The following LYRM4 variants were observed in gnomAD, a reference collection of about 807,000 sequenced individuals.
The protein encoded by LYRM4 is LYR motif-containing protein 4.
LYRM4 carries 9 observed loss-of-function variants against 11.7 expected under a neutral mutation model. The ratio of observed to expected loss-of-function variants is 0.77; its 90% CI spans 0.46 to 1.34. The LOEUF is 1.34. LYRM4 is among the 40% of genes most tolerant of loss of function. LYRM4 has a pLI of 0.00. For synonymous variants in LYRM4, 42 were observed against 40.4 expected (o/e 1.04, Z -0.15); for missense variants, 133 against 112.5 (o/e 1.18, Z -0.82).
chr6:5,095,003 C>T, the LYRM4 span, among the ~76,000 whole-genome samples: 1 of 151,988 alleles, frequency 6.6e-6, no homozygotes. Flanking sequence ...TTTTCAACAC[C>T]AAGATAATCG....
At chr6:5,114,224 A>C (rs1360579013) in intron 2 of LYRM4, among the ~76,000 whole-genome samples, 1 of 152,338 alleles carries the variant, frequency 6.6e-6, no homozygotes, top group East Asian at 1.9e-4. Context: ...CTGTAAGATA[A>C]GTTTGATATG....
chr6:5,233,193 G>A (rs1763341794), intron 1 of LYRM4, among the ~76,000 whole-genome samples: 1 of 152,048 alleles, frequency 6.6e-6, no homozygotes, highest in Non-Finnish European at 1.5e-5. Context: ...TCAATGGCAG[G>A]CAAAAAAAAT....
chr6:5,147,259 A>T (rs1260799051), intron 2 of LYRM4, among the ~76,000 whole-genome samples: 1 of 152,144 alleles, frequency 6.6e-6, no homozygotes. Flanking sequence ...TAACAAAACA[A>T]GGGTGTGCTG....
At chr6:5,166,809 T>G (rs551750428) in intron 2 of LYRM4, among the ~76,000 whole-genome samples, 3 of 152,204 alleles carry the variant, frequency 2.0e-5, no homozygotes, top group Non-Finnish European at 1.5e-5. Flanking sequence ...TGAATGAAAG[T>G]TGAATTATTC....
At chr6:5,146,744 T>C (rs1757750580) in intron 2 of LYRM4, among the ~76,000 whole-genome samples, 1 of 152,206 alleles carries the variant, frequency 6.6e-6, no homozygotes, top group East Asian at 1.9e-4. Flanking sequence ...TTCCTGGGCC[T>C]TCTGCAAAAG....
At chr6:5,158,481 T>G (rs1266566582) in intron 2 of LYRM4, among the ~76,000 whole-genome samples, 10 of 151,734 alleles carry the variant, frequency 6.6e-5, no homozygotes, top group South Asian at 4.2e-4. Context: ...ACGTTTTTTT[T>G]TTTTTTTTTT....
At chr6:5,214,950 G>C (rs1762189353) in intron 2 of LYRM4, among the ~76,000 whole-genome samples, 1 of 152,334 alleles carries the variant, frequency 6.6e-6, no homozygotes, top group Admixed American at 6.5e-5. Context: ...GCCCTGGGGA[G>C]GGCGCCCTTG....
intron 1 of LYRM4, among the ~76,000 whole-genome samples, chr6:5,252,479 C>G (rs143830676): frequency 6.6e-6 from 1 of 152,186 alleles, no homozygotes; most frequent in Non-Finnish European, 1.5e-5. Flanking sequence ...TTCTGACACA[C>G]GCCTTGCATT....
the LYRM4 span, among the ~76,000 whole-genome samples, chr6:5,070,961 G>A: frequency 6.6e-6 from 1 of 151,898 alleles, no homozygotes; most frequent in Non-Finnish European, 1.5e-5. Flanking sequence ...AGAGGCTGAG[G>A]TGGACGGATC....
chr6:5,038,487 G>A, the LYRM4 span, among the ~76,000 whole-genome samples: 2 of 66,962 alleles, frequency 3.0e-5, 1 homozygote, highest in African/African-American at 7.8e-5. Flanking sequence ...ACGGGGTGGC[G>A]GCTGGGCAGA....
the LYRM4 span, chr6:5,088,483 A>C: frequency 3.3e-5 from 5 of 152,228 alleles, no homozygotes; most frequent in African/African-American, 1.2e-4. Context: ...TTCAGTGTTC[A>C]CAAATCAGGT....
At chr6:5,070,818 C>T in the LYRM4 span, among the ~76,000 whole-genome samples, 1 of 145,364 alleles carries the variant, frequency 6.9e-6, no homozygotes, top group African/African-American at 2.6e-5. Context: ...CTGCAGTGAG[C>T]CATGATTGTA....
intron 2 of LYRM4, among the ~76,000 whole-genome samples, chr6:5,175,083 G>A (rs1759643342): frequency 6.6e-6 from 1 of 152,190 alleles, no homozygotes; most frequent in Non-Finnish European, 1.5e-5. Flanking sequence ...ATTTAAAGAA[G>A]CAATGGCATT....
intron 2 of LYRM4, among the ~76,000 whole-genome samples, chr6:5,188,884 C>T (rs536885643): frequency 6.6e-5 from 10 of 152,322 alleles, no homozygotes; most frequent in South Asian, 2.1e-4. Context: ...TCACCTCAGC[C>T]TCGCAAGTAG....
the LYRM4 span, chr6:5,085,495 A>AT: frequency 6.5e-7 from 1 of 1,535,718 alleles, no homozygotes; most frequent in Non-Finnish European, 8.7e-7. Context: ...CATGGAGCCC[A>AT]TAGGGGCGCG....
At chr6:5,237,474 A>T (rs977021251) in intron 1 of LYRM4, among the ~76,000 whole-genome samples, 7 of 152,054 alleles carry the variant, frequency 4.6e-5, no homozygotes, top group Admixed American at 3.3e-4. Context: ...TTATTTCATT[A>T]TATAGTACAA....
chr6:5,239,964 C>T (rs934000809), intron 1 of LYRM4, among the ~76,000 whole-genome samples: 5 of 152,178 alleles, frequency 3.3e-5, no homozygotes, highest in African/African-American at 7.2e-5. Context: ...CTGATGCCCC[C>T]GGCAGGGATG....
At chr6:5,034,921 G>C in the LYRM4 span, among the ~76,000 whole-genome samples, 3,229 of 151,766 alleles carry the variant, frequency 0.021, 116 homozygotes, top group African/African-American at 0.075. Context: ...CAGGGCAGGC[G>C]AGGCGAGTTT....
At position 5,134,914 on chromosome 6, in the gene LYRM4, TTCACTCCTGGGACTGTGGAGGGTGCGGA is replaced by T. The variant is rs1561819146; in HGVS notation, c.208-25451_208-25424del. The stretch of plus-strand genomic sequence containing the variant: ...ACTCCTAGGGCTGTGGAGGGTGCGG[TTCACTCCTGGGACTGTGGAGGGTGCGGA>T]TCACTCCCGGGACTGTGGAGGGTGC... On this transcript the variant is annotated intron_variant, in intron 2 of 2. Coordinates refer to ENST00000330636, the MANE Select transcript of LYRM4 (RefSeq NM_020408.6). Among the ~76,000 whole-genome samples the T allele has an allele frequency of 1.0e-3, 139 of 135,108 alleles. 9 individuals carry two copies. Among genetic ancestry groups the T allele is most frequent in the Middle Eastern group, 4.1e-3 (1 of 244 alleles). 88.6% of individuals were successfully genotyped at this position (135,108 alleles called of 152,430 possible).
Sources: allele counts gnomAD v4.1 joint callset (sites outside exome capture counted in the v4.1 genomes callset), GRCh38; gene constraint gnomAD v4.1.1; transcripts MANE v1.5; gene names NCBI Gene and HGNC (gene_info 2026-07-23, HGNC 2026-07-21).